Variants in PTPRD observed in about 807,000 individuals in gnomAD.
PTPRD encodes protein tyrosine phosphatase receptor type D.
PTPRD carries 34 observed loss-of-function variants against 214.5 expected under a neutral mutation model. The observed-to-expected ratio is 0.16, with a 90% CI of 0.12 to 0.21. The LOEUF (loss-of-function observed/expected upper bound fraction) is 0.21, where lower values mean the gene tolerates loss of function less well. PTPRD is among the 10% of genes least tolerant of loss of function. The pLI is 1.00. For synonymous variants in PTPRD, 1,128 were observed against 845.7 expected, an observed-to-expected ratio of 1.33 and a Z score of -5.79; for missense variants, 2,545 against 2,398.7, an observed-to-expected ratio of 1.06 and a Z score of -1.27.
chr9:9,846,111 T>A (rs994787839), intron 5 of PTPRD, among the ~76,000 whole-genome samples: 6 of 152,144 alleles, frequency 3.9e-5, no homozygotes, highest in African/African-American at 1.4e-4. Context: ...TATTTATCAG[T>A]TATCTAAACG....
intron 14 of PTPRD, among the ~76,000 whole-genome samples, chr9:8,577,629 G>A (rs1334211976): frequency 6.6e-6 from 1 of 152,080 alleles, no homozygotes; most frequent in Non-Finnish European, 1.5e-5. Flanking sequence ...ACCTCCTTTT[G>A]AAAGCCTCCC....
chr9:8,356,573 C>A (rs1004346588), intron 39 of PTPRD, among the ~76,000 whole-genome samples: 1 of 152,126 alleles, frequency 6.6e-6, no homozygotes, highest in African/African-American at 2.4e-5. Flanking sequence ...CTCAGTGATA[C>A]CCCTGTCCAG....
chr9:8,588,812 C>G (rs996991235), intron 14 of PTPRD, among the ~76,000 whole-genome samples: 9 of 151,928 alleles, frequency 5.9e-5, no homozygotes, highest in Non-Finnish European at 8.8e-5. Context: ...AAGAATAACC[C>G]TCATTCTTCT....
Position 10,096,245 on chromosome 9 carries a change from A to G in PTPRD, c.-544-62455T>C, listed in dbSNP as rs557761918. 1.1e-3 allele frequency among the ~76,000 whole-genome samples: 165 copies of G among 151,848 alleles called. 1 individual carries two copies. Among genetic ancestry groups the G allele is most frequent in the African/African-American group, 3.9e-3 (162 of 41,500 alleles). On this transcript the variant is annotated intron_variant, in intron 3 of 45. Transcript: ENST00000381196. ...GTTACTAAGATATAAATTGAGATAC[A>G]TATCTGCAATTCTCTTTCATAGCTA... is the stretch of plus-strand genomic sequence containing the variant.
chr9:8,413,533 C>T (rs1013566222), intron 35 of PTPRD, among the ~76,000 whole-genome samples: 2 of 152,128 alleles, frequency 1.3e-5, no homozygotes, highest in South Asian at 2.1e-4. Context: ...CACTAAAAAA[C>T]ATGACTATCC....
Position 9,119,655 on chromosome 9 carries a change from C to T in PTPRD, c.-143+63649G>A, listed in dbSNP as rs1361841270. ...TCTCCTGCCTCAGCCTCCTGAGTAG[C>T]TGGGACTACAGGCGCGTGCCACCAC... On this transcript the variant is annotated intron_variant, in intron 10 of 45. Coordinates refer to ENST00000381196, the MANE Select transcript of PTPRD (RefSeq NM_002839.4). Among the ~76,000 whole-genome samples the T allele has an allele frequency of 2.0e-5, 3 of 151,962 alleles. No individual in the cohort carries two copies. In the East Asian group the frequency reaches 5.8e-4, roughly 30 times the overall value.
In PTPRD at chr9:8,573,402, T is replaced by G. The variant is rs141702515; in HGVS notation, c.353-44623A>C. The stretch of plus-strand genomic sequence containing the variant: ...ATAATAGAACACTGCTTTAACAGAA[T>G]GAAGACAGACTTAAATTTCTTGAGT... On this transcript the variant is annotated intron_variant, in intron 14 of 45. Transcript: ENST00000381196. 5.6e-3 allele frequency among the ~76,000 whole-genome samples: 846 copies of G among 152,104 alleles called. 7 individuals carry two copies. Among genetic ancestry groups the G allele is most frequent in the Middle Eastern group, 0.02 (6 of 294 alleles).
intron 12 of PTPRD, among the ~76,000 whole-genome samples, chr9:8,712,100 T>C (rs2098347518): frequency 6.6e-6 from 1 of 152,198 alleles, no homozygotes. Context: ...ATAAATTTTT[T>C]TAAATCGACC....
At chr9:10,481,556 A>G (rs535209387) in intron 2 of PTPRD, among the ~76,000 whole-genome samples, 7 of 152,306 alleles carry the variant, frequency 4.6e-5, no homozygotes, top group Non-Finnish European at 1.5e-5. Flanking sequence ...TGTGTTATCA[A>G]TGTCTCTTAG....
At chr9:8,549,671 A>T (rs2140644884) in intron 14 of PTPRD, among the ~76,000 whole-genome samples, 1 of 152,290 alleles carries the variant, frequency 6.6e-6, no homozygotes, top group Admixed American at 6.5e-5. Context: ...TTGAGAGGGG[A>T]GATGAAGTAA....
chr9:8,389,519 T>A (rs1350609750), intron 36 of PTPRD, 112 bp from the exon 37 acceptor site: 2 of 725,536 alleles, frequency 2.8e-6, no homozygotes, highest in Non-Finnish European at 4.3e-6. Context: ...ACTAGAGAAG[T>A]CACAATATAT....
chr9:8,582,822 A>G (rs1331239552), intron 14 of PTPRD, among the ~76,000 whole-genome samples: 1 of 152,154 alleles, frequency 6.6e-6, no homozygotes, highest in East Asian at 1.9e-4. Flanking sequence ...ACAAATGGTG[A>G]TATGTGGCAA....
At chr9:10,192,563 T>C (rs1478751684) in intron 3 of PTPRD, among the ~76,000 whole-genome samples, 1 of 151,816 alleles carries the variant, frequency 6.6e-6, no homozygotes, top group Non-Finnish European at 1.5e-5. Context: ...ACAGTGATGG[T>C]ACTTAGATCA....
At position 9,945,587 on chromosome 9, in the gene PTPRD, G is replaced by C. The variant is rs922458023; in HGVS notation, c.-471-6977C>G. Among the ~76,000 whole-genome samples the C allele has an allele frequency of 3.4e-4, 51 of 152,138 alleles. 1 individual carries two copies. Among genetic ancestry groups the C allele is most frequent in the Non-Finnish European group, 6.5e-4 (44 of 68,028 alleles). On this transcript the variant is annotated intron_variant, in intron 4 of 45. Transcript: ENST00000381196. ...GTTAAGTAATGCAAGTTGAAGAATT[G>C]CACATTGCACATGCAACACAGAGCT...
rs76870423 is a variant in PTPRD at position 9,298,428 on chromosome 9, T to TA, written c.-203+99020dup. ...TAGATTTAATTTCTCCTGTGAATTT[T>TA]AACTTTCATGGCAGATGGAATACAC... On this transcript the variant is annotated intron_variant, in intron 9 of 45. Coordinates refer to ENST00000381196, the MANE Select transcript of PTPRD (RefSeq NM_002839.4). Among the ~76,000 whole-genome samples, 61 of 151,922 alleles carry TA rather than the reference T, an allele frequency of 4.0e-4. 1 individual carries two copies. In the East Asian group the frequency reaches 8.2e-3, roughly 20 times the overall value.
At chr9:10,097,144 T>G (rs1453289295) in intron 3 of PTPRD, among the ~76,000 whole-genome samples, 2 of 144,740 alleles carry the variant, frequency 1.4e-5, no homozygotes, top group African/African-American at 2.5e-5. Flanking sequence ...ACTGTAGCCT[T>G]GTAGTATAGT....
At chr9:8,423,306 A>G (rs1445090154) in intron 35 of PTPRD, among the ~76,000 whole-genome samples, 2 of 152,186 alleles carry the variant, frequency 1.3e-5, no homozygotes, top group Admixed American at 6.5e-5. Context: ...AAGCAAACAA[A>G]ACAATAATAA....
At chr9:10,337,274 T>C (rs2096860045) in intron 3 of PTPRD, among the ~76,000 whole-genome samples, 1 of 151,720 alleles carries the variant, frequency 6.6e-6, no homozygotes, top group African/African-American at 2.4e-5. Flanking sequence ...TTATAATAAA[T>C]TCCAAATAAA....
chr9:9,024,358 T>TG (rs1256498391), intron 10 of PTPRD, among the ~76,000 whole-genome samples: 3 of 126,902 alleles, frequency 2.4e-5, no homozygotes, highest in Admixed American at 1.6e-4. Context: ...GTTTGTTTTT[T>TG]TTTTTTTCCT....
Sources: gnomAD v4.1 joint callset for allele counts (sites outside exome capture counted in the v4.1 genomes callset) on GRCh38, gnomAD v4.1.1 for gene constraint, MANE v1.5 for transcripts, NCBI Gene and HGNC (gene_info 2026-07-23, HGNC 2026-07-21) for gene names.